ARHGAP25: variants seen among roughly 807,000 people sequenced by gnomAD.
The protein encoded by ARHGAP25 is Rho GTPase activating protein 25.
In ARHGAP25, 34 loss-of-function variants were observed where a neutral mutation model predicts 71.0. The ratio of observed to expected loss-of-function variants is 0.48; its 90% CI spans 0.36 to 0.64. ARHGAP25 has a LOEUF of 0.64. Ranked by LOEUF, ARHGAP25 falls within the 30% of genes least tolerant of loss-of-function variation. The pLI is 0.00. For synonymous variants in ARHGAP25, 282 were observed against 296.5 expected (o/e 0.95, Z 0.50); for missense variants, 706 against 805.1 (o/e 0.88, Z 1.49).
At position 68,767,031 on chromosome 2, in the gene ARHGAP25, T is replaced by C. The variant is rs371902238; in HGVS notation, c.62-8190T>C. On this transcript the variant is annotated intron_variant, in intron 1 of 10. Coordinates refer to ENST00000409202, the MANE Select transcript of ARHGAP25 (RefSeq NM_001007231.3). This position sits in a 1 kb window ranked among gnomAD's most constrained non-coding sequence, Gnocchi z 4.6. ...ATGAAATCTGCCCAATTCCGGAGTA[T>C]TGAGGCAGGCATTTAGGGAACAACT... 2.6e-5 allele frequency among the ~76,000 whole-genome samples: 4 copies of C among 152,164 alleles called. No individual in the cohort carries two copies. Among genetic ancestry groups the C allele is most frequent in the Non-Finnish European group, 5.9e-5 (4 of 68,034 alleles).
At chr2:68,746,289 T>A (rs1675808076) in intron 1 of ARHGAP25, among the ~76,000 whole-genome samples, 1 of 152,216 alleles carries the variant, frequency 6.6e-6, no homozygotes, top group Non-Finnish European at 1.5e-5. Context: ...AGTTTTCGTC[T>A]ACCCACATCT....
chr2:68,814,067 C>T (rs1257095409), intron 6 of ARHGAP25, among the ~76,000 whole-genome samples: 2 of 152,100 alleles, frequency 1.3e-5, no homozygotes, highest in Non-Finnish European at 2.9e-5. Context: ...TGATGAAACC[C>T]AACCAACAAC....
intron 2 of ARHGAP25, among the ~76,000 whole-genome samples, chr2:68,712,318 G>A (rs1674505543): frequency 6.6e-6 from 1 of 152,170 alleles, no homozygotes; most frequent in African/African-American, 2.4e-5. Context: ...GTCTTCTTTT[G>A]ATAAGTGTCT....
At chr2:68,736,133 A>G (rs566659297) in intron 1 of ARHGAP25, among the ~76,000 whole-genome samples, 1 of 152,336 alleles carries the variant, frequency 6.6e-6, no homozygotes, top group African/African-American at 2.4e-5. Flanking sequence ...GCTTGGAGGA[A>G]TTTTGCTTGG....
chr2:68,714,149 C>T (rs1391565529), intron 2 of ARHGAP25, among the ~76,000 whole-genome samples: 1 of 152,088 alleles, frequency 6.6e-6, no homozygotes, highest in East Asian at 1.9e-4. Context: ...CTATTAATTA[C>T]TGCCTCAATT....
chr2:68,819,641 C>T (rs757192562), intron 9 of ARHGAP25: 1 of 565,464 alleles, frequency 1.8e-6, no homozygotes, highest in Non-Finnish European at 3.1e-6. Context: ...ATGTATACAA[C>T]ATTGTAAATG....
Position 68,826,783 on chromosome 2 carries a change from C to A in ARHGAP25, c.*589C>A. 2 of 153,336 alleles carry A rather than the reference C, an allele frequency of 1.3e-5. No individual in the cohort carries two copies. The highest frequency in any genetic ancestry group is 2.0e-4 in the South Asian group (1 of 4,974). 9.5% of individuals were successfully genotyped at this position (153,336 alleles called of 1,614,324 possible). A position where few individuals can be genotyped will look rare whatever the true frequency, so the allele number is the denominator to read the frequency against. On this transcript the variant is annotated 3_prime_UTR_variant, in exon 11 of 11. Coordinates refer to ENST00000409202, the MANE Select transcript of ARHGAP25 (RefSeq NM_001007231.3). ...AAGCAACAAACTGTATTTATGCAAG[C>A]AAAATTGATGAGAAAATTATATTCA...
chr2:68,807,263 C>T lies in ARHGAP25; in HGVS notation c.467-10C>T, dbSNP rs745757870. ...GAATGACGGGCAGGTTCTGTTTGCT[C>T]TCTCCTCAGCAGTGTTTGGCCAGCG... On this transcript the variant is annotated splice_polypyrimidine_tract_variant and intron_variant, in intron 4 of 10. Transcript: ENST00000409202. 5.6e-6 allele frequency: 9 copies of T among 1,614,118 alleles called. No homozygotes were observed. The highest frequency in any genetic ancestry group is 7.6e-6 in the Non-Finnish European group (9 of 1,179,994).
chr2:68,824,448 G>T (rs1043321312), intron 10 of ARHGAP25, among the ~76,000 whole-genome samples: 1 of 152,132 alleles, frequency 6.6e-6, no homozygotes, highest in Admixed American at 6.5e-5. Flanking sequence ...GTAATGAGAG[G>T]GTCAGAAGGA....
Position 68,775,578 on chromosome 2 carries a change from A to G in ARHGAP25, c.261+158A>G, listed in dbSNP as rs764870612. 7.0e-6 allele frequency: 8 copies of G among 1,147,198 alleles called. No individual in the cohort carries two copies. The African/African-American group carries it at 1.1e-4, about 15-fold the overall frequency. 71.1% of individuals were successfully genotyped at this position (1,147,198 alleles called of 1,614,324 possible). A position where few individuals can be genotyped will look rare whatever the true frequency, so the allele number is the denominator to read the frequency against. On this transcript the variant is annotated intron_variant, in intron 2 of 10. Coordinates refer to ENST00000409202, the MANE Select transcript of ARHGAP25 (RefSeq NM_001007231.3). ...TCCCTTTACACCATTTTCTAGATAC[A>G]TAAACTGAGTTGCAAAGATGACAGA...
chr2:68,767,725 G>A lies in ARHGAP25; in HGVS notation c.62-7496G>A, dbSNP rs1053073993. ...TACCTAATATGTCCGTTTTCTTGTT[G>A]GGGTATCAGCACAGCCTCAGTGGTG... On this transcript the variant is annotated intron_variant, in intron 1 of 10. Coordinates refer to ENST00000409202, the MANE Select transcript of ARHGAP25 (RefSeq NM_001007231.3). This position sits in a 1 kb window ranked among gnomAD's most constrained non-coding sequence, Gnocchi z 4.6. Among the ~76,000 whole-genome samples, 1 of 152,198 alleles carries A rather than the reference G, an allele frequency of 6.6e-6. No homozygotes were observed. The highest frequency in any genetic ancestry group is 6.5e-5 in the Admixed American group (1 of 15,282).
At chr2:68,778,014 CAATATA>C (rs2104381424) in intron 2 of ARHGAP25, among the ~76,000 whole-genome samples, 1 of 152,162 alleles carries the variant, frequency 6.6e-6, no homozygotes, top group African/African-American at 2.4e-5. Flanking sequence ...TATGATTCTA[CAATATA>C]ATTCTTAGTT....
chr2:68,742,315 A>C (rs1197098800), intron 1 of ARHGAP25, among the ~76,000 whole-genome samples: 2 of 152,232 alleles, frequency 1.3e-5, no homozygotes, highest in Non-Finnish European at 2.9e-5. Context: ...AATATTTTAA[A>C]ATAATTTTAT....
At chr2:68,714,917 A>G (rs2104247986) in intron 2 of ARHGAP25, among the ~76,000 whole-genome samples, 1 of 152,316 alleles carries the variant, frequency 6.6e-6, no homozygotes, top group African/African-American at 2.4e-5. Context: ...TGGGCATATG[A>G]CAATAATAAA....
intron 1 of ARHGAP25, among the ~76,000 whole-genome samples, chr2:68,764,304 A>G (rs72828902): frequency 0.097 from 14,758 of 152,186 alleles, 953 homozygotes; most frequent in Non-Finnish European, 0.15. Context: ...TTTGACCATC[A>G]TCTATAATAC....
chr2:68,731,638 A>T (rs563182602), upstream of ARHGAP25, among the ~76,000 whole-genome samples: 1 of 152,008 alleles, frequency 6.6e-6, no homozygotes, highest in Non-Finnish European at 1.5e-5. Flanking sequence ...CCTTCTTAGG[A>T]GCGACCTGAA....
At chr2:68,758,540 T>A (rs577830002) in intron 1 of ARHGAP25, among the ~76,000 whole-genome samples, 3 of 151,994 alleles carry the variant, frequency 2.0e-5, no homozygotes, top group Admixed American at 6.5e-5. Flanking sequence ...AATAGATTGC[T>A]CAGTACAATG....
chr2:68,793,139 T>G (rs1161873244), intron 4 of ARHGAP25, among the ~76,000 whole-genome samples: 1 of 152,156 alleles, frequency 6.6e-6, no homozygotes, highest in Non-Finnish European at 1.5e-5. Context: ...TTATTGTTGT[T>G]GAGTTATTTG....
At chr2:68,764,923 T>C (rs1377821404) in intron 1 of ARHGAP25, among the ~76,000 whole-genome samples, 2 of 152,180 alleles carry the variant, frequency 1.3e-5, no homozygotes. Context: ...ACTTTCATTT[T>C]AGATCTCCCC....
Sources: allele counts gnomAD v4.1 joint callset (sites outside exome capture counted in the v4.1 genomes callset), GRCh38; gene constraint gnomAD v4.1.1; non-coding constraint Gnocchi (gnomAD v3.1); transcripts MANE v1.5; gene names NCBI Gene and HGNC (gene_info 2026-07-23, HGNC 2026-07-21).